Variants in ARMH3 observed in about 807,000 individuals in gnomAD.
The protein encoded by ARMH3 is armadillo-like helical domain-containing protein 3.
In ARMH3, 60 loss-of-function variants were observed where a neutral mutation model predicts 99.1. That is an observed-to-expected ratio of 0.61 (90% CI 0.49 to 0.75). The LOEUF is 0.75. Ranked by LOEUF, ARMH3 falls within the 30% of genes least tolerant of loss-of-function variation. The pLI, the probability that ARMH3 is intolerant of heterozygous loss-of-function variation, is 0.00. For synonymous variants in ARMH3, 285 were observed against 292.8 expected (o/e 0.97, Z 0.27); for missense variants, 679 against 843.1 (o/e 0.81, Z 2.41).
intron 15 of ARMH3, among the ~76,000 whole-genome samples, chr10:101,998,597 C>T (rs1847165512): frequency 6.6e-6 from 1 of 152,188 alleles, no homozygotes; most frequent in Admixed American, 6.5e-5. Flanking sequence ...CACCCAGGCT[C>T]CTTTCTGCTC....
chr10:101,990,046 G>C (rs999427339), intron 19 of ARMH3, among the ~76,000 whole-genome samples: 1 of 152,168 alleles, frequency 6.6e-6, no homozygotes, highest in African/African-American at 2.4e-5. Flanking sequence ...GCGGATATGT[G>C]CAGAATCCAC....
At chr10:102,013,048 T>A (rs569957609) in intron 9 of ARMH3, among the ~76,000 whole-genome samples, 172 bp from the exon 10 acceptor site, 24 of 152,324 alleles carry the variant, frequency 1.6e-4, no homozygotes, top group Middle Eastern at 3.4e-3. Context: ...AAGGAAGTTC[T>A]TTGGGAAGAC....
intron 14 of ARMH3, 124 bp from the exon 15 acceptor site, chr10:102,002,196 G>A: frequency 7.1e-7 from 1 of 1,404,428 alleles, no homozygotes; most frequent in Non-Finnish European, 9.6e-7. Context: ...AACAGAGGGA[G>A]GACCAAGTGC....
chr10:102,023,621 A>G (rs921302152), intron 7 of ARMH3, 54 bp downstream of exon 7: 3 of 1,610,002 alleles, frequency 1.9e-6, no homozygotes, highest in African/African-American at 1.3e-5. Flanking sequence ...GAGAACACAG[A>G]GAAAATTTGA....
chr10:101,990,524 A>G, intron 19 of ARMH3, 27 bp downstream of exon 19: 4 of 1,495,840 alleles, frequency 2.7e-6, no homozygotes, highest in Non-Finnish European at 3.7e-6. Flanking sequence ...ATTTGTACAC[A>G]TTAAATGTGT....
At chr10:102,024,656 C>T (rs1485464633) in intron 6 of ARMH3, among the ~76,000 whole-genome samples, 2 of 129,134 alleles carry the variant, frequency 1.5e-5, no homozygotes, top group South Asian at 2.4e-4. Context: ...ACTAAAAGTA[C>T]AAAAAAAAAA....
chr10:101,972,096 C>T (rs1406439599), intron 20 of ARMH3, among the ~76,000 whole-genome samples: 4 of 152,148 alleles, frequency 2.6e-5, no homozygotes, highest in Admixed American at 1.3e-4. Flanking sequence ...GGGCTCGTAT[C>T]TGTAAAACCA....
intron 19 of ARMH3, among the ~76,000 whole-genome samples, chr10:101,984,598 C>A (rs900776478): frequency 6.6e-6 from 1 of 152,074 alleles, no homozygotes; most frequent in Admixed American, 6.6e-5. Flanking sequence ...TGAGATGCGA[C>A]CTACATCCCC....
At chr10:101,990,477 G>T in intron 19 of ARMH3, 74 bp downstream of exon 19, 3 of 1,262,524 alleles carry the variant, frequency 2.4e-6, no homozygotes, top group South Asian at 1.3e-5. Flanking sequence ...GGCCTACACA[G>T]ACCATGAATT....
At chr10:102,041,087 TA>T (rs2067401819) in intron 1 of ARMH3, among the ~76,000 whole-genome samples, 2 of 133,064 alleles carry the variant, frequency 1.5e-5, no homozygotes, top group Non-Finnish European at 3.3e-5. Context: ...TATATATATA[TA>T]TAATATATAT....
chr10:101,963,722 C>T (rs2135853298), intron 20 of ARMH3, among the ~76,000 whole-genome samples: 2 of 152,270 alleles, frequency 1.3e-5, no homozygotes, highest in East Asian at 3.9e-4. Flanking sequence ...GCCTCAGCCT[C>T]CCGAGTAGCT....
intron 10 of ARMH3, among the ~76,000 whole-genome samples, chr10:102,012,535 G>A (rs1469292618): frequency 6.6e-6 from 1 of 152,152 alleles, no homozygotes. Context: ...AAATGGAAGT[G>A]CCCACTTGTG....
intron 4 of ARMH3, among the ~76,000 whole-genome samples, chr10:102,030,989 T>C (rs896641561): frequency 6.6e-6 from 1 of 151,728 alleles, no homozygotes; most frequent in Non-Finnish European, 1.5e-5. Flanking sequence ...GTTTTCATCA[T>C]GTTGGCCAGG....
chr10:102,009,019 G>C (rs912681214), intron 13 of ARMH3, among the ~76,000 whole-genome samples: 2 of 152,162 alleles, frequency 1.3e-5, no homozygotes, highest in African/African-American at 4.8e-5. Flanking sequence ...ATCTCCAGTT[G>C]TAATTCCACA....
At chr10:102,004,788 G>T (rs996238315) in intron 14 of ARMH3, among the ~76,000 whole-genome samples, 3 of 152,158 alleles carry the variant, frequency 2.0e-5, no homozygotes, top group African/African-American at 7.2e-5. Context: ...GATATTTTGG[G>T]GCTGGGCATG....
At chr10:102,021,549 ATT>A (rs879374407) in intron 8 of ARMH3, among the ~76,000 whole-genome samples, 8 of 141,076 alleles carry the variant, frequency 5.7e-5, no homozygotes, top group Non-Finnish European at 6.3e-5. Flanking sequence ...CAACCAGCTA[ATT>A]TTTTTTTTTT....
At chr10:101,944,510 G>A (rs1364648264) in intron 22 of ARMH3, among the ~76,000 whole-genome samples, 2 of 151,796 alleles carry the variant, frequency 1.3e-5, no homozygotes, top group Non-Finnish European at 2.9e-5. Flanking sequence ...ATGATAAAGA[G>A]AAAATATTAA....
At chr10:102,052,216 T>A (rs1017626531) in intron 1 of ARMH3, among the ~76,000 whole-genome samples, 1 of 152,002 alleles carries the variant, frequency 6.6e-6, no homozygotes, top group Non-Finnish European at 1.5e-5. Flanking sequence ...CATAATCATC[T>A]TCTTCCCCCA....
intron 23 of ARMH3, among the ~76,000 whole-genome samples, chr10:101,924,647 G>A (rs1482945090): frequency 1.3e-5 from 2 of 151,426 alleles, no homozygotes; most frequent in Non-Finnish European, 2.9e-5. Context: ...GAGCCACCAC[G>A]CCCAGCCTGC....
Sources: allele counts gnomAD v4.1 joint callset (sites outside exome capture counted in the v4.1 genomes callset), GRCh38; gene constraint gnomAD v4.1.1; transcripts MANE v1.5; gene names NCBI Gene and HGNC (gene_info 2026-07-23, HGNC 2026-07-21).